Variants in DCHS2 observed in about 807,000 individuals in gnomAD.
DCHS2 encodes the protein dachsous cadherin-related 2, also known as protocadherin-23.
Under a neutral mutation model 182.4 loss-of-function variants are expected in DCHS2, and 142 were observed. That is an observed-to-expected ratio of 0.78 (90% CI 0.68 to 0.89). The LOEUF (loss-of-function observed/expected upper bound fraction) is 0.89. DCHS2 is among the 40% of genes least tolerant of loss of function. DCHS2 has a pLI of 0.00. For missense variants in DCHS2, 4,319 were observed against 4,198.6 expected (o/e 1.03, Z -0.79); for synonymous variants, 1,740 against 1,663.3 (o/e 1.05, Z -1.12).
chr4:154,252,600 TTAACATAA>T (rs1270891875), intron 16 of DCHS2, among the ~76,000 whole-genome samples: 1 of 151,974 alleles, frequency 6.6e-6, no homozygotes, highest in African/African-American at 2.4e-5. Context: ...TGTATTTCAC[TTAACATAA>T]TGACTTCCAG....
In DCHS2 at chr4:154,235,306, T is replaced by G; in HGVS notation, c.9346A>C (p.Arg3116=). The change falls in exon 20 of 20, where the codon AGA becomes CGA. Residue 3116 remains arginine, a synonymous_variant. Transcript: ENST00000357232. The stretch of plus-strand genomic sequence containing the variant: ...CTCAGAGCTGAGTCTGAGCACTTTC[T>G]GTAGGGATGCTCATTTATCCTCTGG... ...EIQRINEHPY[R]KCSDSALSDH... is the part of the protein sequence containing the mutation. The G allele has an allele frequency of 6.2e-7, 1 of 1,614,092 alleles. No homozygotes were observed. Among genetic ancestry groups the G allele is most frequent in the Non-Finnish European group, 8.5e-7 (1 of 1,179,964 alleles).
intron 1 of DCHS2, among the ~76,000 whole-genome samples, chr4:154,481,118 A>G (rs1462636345): frequency 6.6e-6 from 1 of 152,220 alleles, no homozygotes. Flanking sequence ...CAAGGCAGGA[A>G]GCTGACTGAA....
At chr4:154,483,758 G>A (rs571415799) in intron 1 of DCHS2, among the ~76,000 whole-genome samples, 1 of 152,192 alleles carries the variant, frequency 6.6e-6, no homozygotes, top group South Asian at 2.1e-4. Context: ...TTGAGGCTCA[G>A]GAATACAAGC....
intron 1 of DCHS2, among the ~76,000 whole-genome samples, chr4:154,414,487 CTTTTTTTTTTTTTTT>C (rs375818839): frequency 0.019 from 1,437 of 73,768 alleles, 34 homozygotes; most frequent in Middle Eastern, 0.097. Context: ...ATACAGCTTT[CTTTTTTTTTTTTTTT>C]TTTTTTTTTG....
chr4:154,343,630 C>T, intron 3 of DCHS2: 1 of 1,497,916 alleles, frequency 6.7e-7, no homozygotes, highest in African/African-American at 1.4e-5. Flanking sequence ...GCAGCTTCCT[C>T]ATCTCTTTCA....
At chr4:154,425,794 G>C (rs1733300591) in intron 1 of DCHS2, among the ~76,000 whole-genome samples, 1 of 152,206 alleles carries the variant, frequency 6.6e-6, no homozygotes, top group East Asian at 1.9e-4. Context: ...GCACACCACA[G>C]ACCCCTGGCC....
intron 1 of DCHS2, among the ~76,000 whole-genome samples, chr4:154,433,061 T>C (rs1442632034): frequency 6.6e-6 from 1 of 152,172 alleles, no homozygotes; most frequent in African/African-American, 2.4e-5. Context: ...ATAGGCTCTT[T>C]GCAGATATAA....
chr4:154,467,215 T>C (rs187890873), intron 1 of DCHS2, among the ~76,000 whole-genome samples: 1 of 152,302 alleles, frequency 6.6e-6, no homozygotes, highest in African/African-American at 2.4e-5. Flanking sequence ...TGGTATAGAA[T>C]AGAAAATAAT....
chr4:154,488,002 A>G (rs913818277), intron 1 of DCHS2, among the ~76,000 whole-genome samples: 9 of 152,178 alleles, frequency 5.9e-5, no homozygotes, highest in African/African-American at 1.9e-4. Flanking sequence ...ACACAGCTGG[A>G]CCTCGTCCCT....
At position 154,233,393 on chromosome 4, in the gene DCHS2, C is replaced by T. The variant is rs1329014450; in HGVS notation, c.*1143G>A. On this transcript the variant is annotated 3_prime_UTR_variant, in exon 20 of 20. Coordinates refer to ENST00000357232, the MANE Select transcript of DCHS2 (RefSeq NM_001358235.2). ...CATTTTAACCATGTGCCAAACTGCT[C>T]CATCTAATGACAGTTAAATTAAAGC... The T allele has an allele frequency of 6.6e-6, 1 of 152,114 alleles. No homozygotes were observed. Among genetic ancestry groups the T allele is most frequent in the East Asian group, 1.9e-4 (1 of 5,204 alleles). 9.4% of individuals were successfully genotyped at this position (152,114 alleles called of 1,614,324 possible).
chr4:154,263,108 C>T (rs566604712), intron 14 of DCHS2, among the ~76,000 whole-genome samples: 2 of 152,062 alleles, frequency 1.3e-5, no homozygotes, highest in Admixed American at 6.5e-5. Flanking sequence ...TCTTAAGTTA[C>T]TATAATCTTA....
intron 1 of DCHS2, among the ~76,000 whole-genome samples, chr4:154,410,522 A>G (rs1732583662): frequency 7.3e-6 from 1 of 136,198 alleles, no homozygotes; most frequent in Non-Finnish European, 1.5e-5. Flanking sequence ...ACAGCTGGGC[A>G]CGGTGGCTCA....
chr4:154,282,301 A>G lies in DCHS2; in HGVS notation c.6464-12288T>C, dbSNP rs527975797. On this transcript the variant is annotated intron_variant, in intron 13 of 19. Coordinates refer to ENST00000357232, the MANE Select transcript of DCHS2 (RefSeq NM_001358235.2). ...CATATCTGATGAGAGGTTAATATCCATAGTATATAAATAACTCTTGCAAAT... is the reference window on the plus strand; with the variant it reads ...CATATCTGATGAGAGGTTAATATCCGTAGTATATAAATAACTCTTGCAAAT... 3.3e-5 allele frequency among the ~76,000 whole-genome samples: 5 copies of G among 152,250 alleles called. No individual in the cohort carries two copies. In the South Asian group the frequency reaches 8.3e-4, roughly 25 times the overall value.
At chr4:154,344,449 A>AGTCACTTCCTTCATTTCTT (rs1351126496) in intron 3 of DCHS2, among the ~76,000 whole-genome samples, 4 of 152,242 alleles carry the variant, frequency 2.6e-5, no homozygotes, top group Non-Finnish European at 5.9e-5. Flanking sequence ...CTATACATTC[A>AGTCACTTCCTTCATTTCTT]GTCACTTCCT....
chr4:154,232,734 T>G lies in DCHS2; in HGVS notation c.*1802A>C, dbSNP rs573344773. The G allele has an allele frequency of 1.2e-4, 15 of 126,240 alleles. No homozygotes were observed. In the East Asian group the frequency reaches 1.6e-3, roughly 14 times the overall value. 7.8% of individuals were successfully genotyped at this position (126,240 alleles called of 1,614,324 possible). ...ACATAAATGATTAAATATGTGTGGG[T>G]TTTTTTTTTACATAAGTCATGAAAT... On this transcript the variant is annotated 3_prime_UTR_variant, in exon 20 of 20. Transcript: ENST00000357232.
At chr4:154,441,559 T>A (rs1219377628) in intron 1 of DCHS2, among the ~76,000 whole-genome samples, 1 of 119,824 alleles carries the variant, frequency 8.3e-6, no homozygotes, top group Non-Finnish European at 2.0e-5. Flanking sequence ...TAAAAGTTTT[T>A]CAGAAAAGTT....
Position 154,490,921 on chromosome 4 carries a change from C to T in DCHS2, c.435G>A (p.Thr145=). 1 of 1,551,188 alleles carries T rather than the reference C, an allele frequency of 6.4e-7. No individual in the cohort carries two copies. Among genetic ancestry groups the T allele is most frequent in the Non-Finnish European group, 8.7e-7 (1 of 1,146,882 alleles). The part of the protein sequence containing the change: ...RRDHYSFVAA[T]LLGAVVQVEI... ...CCACCTGCACCACAGCGCCCAGCAG[C>T]GTGGCGGCGACGAAGCTGTAGTGGT... is the stretch of plus-strand genomic sequence containing the variant. The change falls in exon 1 of 20, where the codon ACG becomes ACA. Residue 145 remains threonine (T), a synonymous_variant. Transcript: ENST00000357232.
At position 154,489,774 on chromosome 4, in the gene DCHS2, G is replaced by A. The variant is rs149760589; in HGVS notation, c.1582C>T (p.Arg528Trp). 4,595 of 1,551,630 alleles carry A rather than the reference G, an allele frequency of 3.0e-3. 112 individuals carry two copies. In the African/African-American group the frequency reaches 0.056, roughly 19 times the overall value. ...PLSTEETLLL[R>W]VADLNDQPPL... is the part of the protein sequence containing the mutation. ...GGTTGGTCATTGAGGTCAGCGACCC[G>A]GAGTAGCAGCGTCTCCTCCGTGCTC... Residue 528 changes from arginine to tryptophan, a missense_variant, in exon 1 of 20, where the codon CGG (arginine) becomes TGG (tryptophan). Arg to Trp is a moderately radical substitution (Grantham distance 101). Transcript: ENST00000357232.
rs866387378 is a variant in DCHS2 at position 154,329,410 on chromosome 4, A to G, written c.3918+113T>C. 15 of 1,092,764 alleles carry G rather than the reference A, an allele frequency of 1.4e-5. No homozygotes were observed. The South Asian group carries it at 1.9e-4, about 14-fold the overall frequency. The allele number at this position is 1,092,764 out of a possible 1,614,324, so 67.7% of individuals were successfully genotyped here. A position where few individuals can be genotyped will look rare whatever the true frequency, so the allele number is the denominator to read the frequency against. ...AGTATCTAGGTCTTCTAGAAAAAGT[A>G]TGCTTTGCCACACCAAGACTGATGT... On this transcript the variant is annotated intron_variant, in intron 6 of 19. Transcript: ENST00000357232.
Sources: gnomAD v4.1 joint callset for allele counts (sites outside exome capture counted in the v4.1 genomes callset) on GRCh38, gnomAD v4.1.1 for gene constraint, MANE v1.5 for transcripts, NCBI Gene and HGNC (gene_info 2026-07-23, HGNC 2026-07-21) for gene names.